DNM3: variants seen among roughly 807,000 people sequenced by gnomAD.
DNM3 encodes dynamin 3.
DNM3 carries 47 observed loss-of-function variants against 101.6 expected under a neutral mutation model. That is an observed-to-expected ratio of 0.46 (90% CI 0.37 to 0.59). The LOEUF is 0.59. Among genes scored for constraint, DNM3 ranks in the 20% least tolerant of loss-of-function variants. The pLI is 0.00. For missense variants in DNM3, 849 were observed against 1,085.7 expected (o/e 0.78, Z 3.06); for synonymous variants, 385 against 387.9 (o/e 0.99, Z 0.09).
chr1:172,270,818 GA>G (rs796437677), intron 15 of DNM3, among the ~76,000 whole-genome samples: 20 of 147,502 alleles, frequency 1.4e-4, no homozygotes, highest in Admixed American at 4.0e-4. Context: ...CTTAGAATCT[GA>G]AAAAAAAAAG....
intron 14 of DNM3, among the ~76,000 whole-genome samples, chr1:172,171,906 G>C (rs1043279537): frequency 4.6e-5 from 7 of 151,662 alleles, no homozygotes; most frequent in African/African-American, 1.7e-4. Flanking sequence ...CTGAGAAAAG[G>C]GGATGGGGGA....
intron 1 of DNM3, among the ~76,000 whole-genome samples, chr1:171,907,488 TCA>T: frequency 6.7e-6 from 1 of 148,946 alleles, no homozygotes; most frequent in East Asian, 1.9e-4. Flanking sequence ...TGAGACTCCG[TCA>T]CAGAAAAAAA....
intron 4 of DNM3, among the ~76,000 whole-genome samples, chr1:172,000,221 G>C (rs971029777): frequency 6.6e-6 from 1 of 152,042 alleles, no homozygotes; most frequent in East Asian, 1.9e-4. Context: ...AGAATCAAGT[G>C]ACTGTGGCAT....
intron 2 of DNM3, among the ~76,000 whole-genome samples, chr1:171,982,744 T>C (rs868769631): frequency 1.8e-4 from 28 of 152,160 alleles, no homozygotes; most frequent in East Asian, 1.5e-3. Context: ...ATAGTACTTA[T>C]ACAGTTTAAC....
At chr1:171,933,342 G>C (rs140757375) in intron 2 of DNM3, among the ~76,000 whole-genome samples, 37 of 152,274 alleles carry the variant, frequency 2.4e-4, no homozygotes, top group Non-Finnish European at 4.0e-4. Context: ...CATAATATAA[G>C]TATGACTTCC....
rs921291569 is a variant in DNM3 at position 172,412,339 on chromosome 1, C to A, written c.*4498C>A. On this transcript the variant is annotated 3_prime_UTR_variant, in exon 21 of 21. Coordinates refer to ENST00000627582, the MANE Select transcript of DNM3 (RefSeq NM_015569.5). Reference sequence around the variant, plus strand: ...TGCTACCAGTTTGTTAAAAATTATTCCCCCCAACCAGTAATTCCACCAGTA... The same window carrying A: ...TGCTACCAGTTTGTTAAAAATTATTACCCCCAACCAGTAATTCCACCAGTA... 88 of 985,330 alleles carry A rather than the reference C, an allele frequency of 8.9e-5. No homozygotes were observed. Among genetic ancestry groups the A allele is most frequent in the Non-Finnish European group, 9.2e-5 (76 of 829,848 alleles). 61.0% of individuals were successfully genotyped at this position (985,330 alleles called of 1,614,324 possible).
intron 1 of DNM3, among the ~76,000 whole-genome samples, chr1:171,885,048 T>A (rs1000527829): frequency 5.3e-5 from 8 of 152,168 alleles, no homozygotes; most frequent in African/African-American, 9.7e-5. Flanking sequence ...GAATGGTGAA[T>A]TGATCTATAC....
chr1:172,056,864 GAGA>G (rs1282157338), intron 10 of DNM3, among the ~76,000 whole-genome samples: 2,253 of 152,326 alleles, frequency 0.015, 54 homozygotes, highest in African/African-American at 0.052. Context: ...GACGAGCTGA[GAGA>G]AGAAGGCTTC....
At chr1:172,266,597 CTAAG>C (rs1162865163) in intron 15 of DNM3, among the ~76,000 whole-genome samples, 1 of 152,140 alleles carries the variant, frequency 6.6e-6, no homozygotes, top group Admixed American at 6.5e-5. Context: ...TCACAAAATG[CTAAG>C]TGAGAATTGC....
intron 17 of DNM3, among the ~76,000 whole-genome samples, chr1:172,351,529 A>G (rs989219742): frequency 6.6e-6 from 1 of 152,206 alleles, no homozygotes; most frequent in Non-Finnish European, 1.5e-5. Context: ...CATTTTCTGC[A>G]TAAACCATTG....
chr1:172,034,575 T>C (rs1443493874), intron 6 of DNM3, among the ~76,000 whole-genome samples: 1 of 150,182 alleles, frequency 6.7e-6, no homozygotes, highest in Non-Finnish European at 1.5e-5. Context: ...AATTGGATTC[T>C]CGTTGACTAA....
intron 15 of DNM3, among the ~76,000 whole-genome samples, chr1:172,279,524 T>C (rs1434469125): frequency 1.3e-5 from 2 of 152,140 alleles, no homozygotes; most frequent in Admixed American, 1.3e-4. Flanking sequence ...CTGTTGACCC[T>C]AAAGGTACAC....
intron 20 of DNM3, among the ~76,000 whole-genome samples, chr1:172,398,076 C>T (rs2070163538): frequency 6.6e-6 from 1 of 152,084 alleles, no homozygotes; most frequent in African/African-American, 2.4e-5. Context: ...GGATTGCTTA[C>T]CACTTATTAA....
chr1:172,077,478 C>T (rs1034308267), intron 11 of DNM3, among the ~76,000 whole-genome samples: 7 of 152,224 alleles, frequency 4.6e-5, no homozygotes, highest in Non-Finnish European at 7.3e-5. Flanking sequence ...GTAAACACTG[C>T]TTTAACTGTG....
At chr1:171,986,633 C>CT (rs367716705) in intron 2 of DNM3, among the ~76,000 whole-genome samples, 24,507 of 137,330 alleles carry the variant, frequency 0.18, 2,357 homozygotes, top group South Asian at 0.23. Context: ...CCACATCTGG[C>CT]TTTTTTTTTT....
At chr1:172,313,166 C>A (rs1017341685) in intron 16 of DNM3, among the ~76,000 whole-genome samples, 1 of 152,160 alleles carries the variant, frequency 6.6e-6, no homozygotes, top group African/African-American at 2.4e-5. Context: ...ATTGAAATTA[C>A]AACCATTGTA....
chr1:172,316,003 C>G (rs571836399), intron 16 of DNM3, among the ~76,000 whole-genome samples: 1 of 151,966 alleles, frequency 6.6e-6, no homozygotes, highest in African/African-American at 2.4e-5. Flanking sequence ...GTCGGGTTAC[C>G]CACAAAGGGA....
intron 17 of DNM3, among the ~76,000 whole-genome samples, chr1:172,357,089 TGAA>T (rs1231777434): frequency 6.6e-6 from 1 of 152,066 alleles, no homozygotes; most frequent in Admixed American, 6.6e-5. Flanking sequence ...AGTAATTATA[TGAA>T]GGAGAAGGGA....
At chr1:172,056,100 G>C (rs533684611) in intron 10 of DNM3, among the ~76,000 whole-genome samples, 2 of 152,148 alleles carry the variant, frequency 1.3e-5, no homozygotes, top group South Asian at 4.1e-4. Context: ...CTGGAAAATC[G>C]GGTCACTCCC....
Sources: gnomAD v4.1 joint callset for allele counts (sites outside exome capture counted in the v4.1 genomes callset) on GRCh38, gnomAD v4.1.1 for gene constraint, MANE v1.5 for transcripts, NCBI Gene and HGNC (gene_info 2026-07-23, HGNC 2026-07-21) for gene names.